The following TACR1 variants were observed in gnomAD, a reference collection of about 807,000 sequenced individuals.
TACR1 encodes substance-P receptor.
TACR1 carries 25 observed loss-of-function variants against 35.8 expected under a neutral mutation model. That is an observed-to-expected ratio of 0.70 (90% CI 0.51 to 0.98). The LOEUF is 0.98. TACR1 is among the 50% of genes least tolerant of loss of function. TACR1 has a pLI of 0.00. For synonymous variants in TACR1, 195 were observed against 206.7 expected, an observed-to-expected ratio of 0.94 and a Z score of 0.48; for missense variants, 478 against 522.9, an observed-to-expected ratio of 0.91 and a Z score of 0.84.
intron 1 of TACR1, among the ~76,000 whole-genome samples, chr2:75,132,431 G>T (rs190764923): frequency 2.6e-5 from 4 of 151,934 alleles, no homozygotes; most frequent in Non-Finnish European, 5.9e-5. Context: ...TGTTATTATT[G>T]TTCATTTTTA....
intron 1 of TACR1, among the ~76,000 whole-genome samples, chr2:75,153,130 T>G (rs1674711379): frequency 6.6e-6 from 1 of 152,210 alleles, no homozygotes; most frequent in African/African-American, 2.4e-5. Flanking sequence ...CTTGAACTCC[T>G]GACTTTGTGA....
intron 2 of TACR1, among the ~76,000 whole-genome samples, chr2:75,067,756 C>T (rs1202218549): frequency 6.6e-6 from 1 of 152,012 alleles, no homozygotes; most frequent in African/African-American, 2.4e-5. Context: ...GCCCTAAGGT[C>T]CAAATGTGCT....
intron 2 of TACR1, among the ~76,000 whole-genome samples, chr2:75,093,164 A>G (rs1673341478): frequency 6.6e-6 from 1 of 152,164 alleles, no homozygotes. Flanking sequence ...ATTACAATTT[A>G]CAACAGCCTA....
In TACR1 at chr2:75,048,015, C is replaced by T. The variant is rs1007607664; in HGVS notation, c.*1417G>A. On this transcript the variant is annotated 3_prime_UTR_variant, in exon 5 of 5. Coordinates refer to ENST00000305249, the MANE Select transcript of TACR1 (RefSeq NM_001058.4). ...AAACTGCATGCTCACCTTCTGGAAACTCTAAATCTAAATTAGGATATAAAG... is the reference window on the plus strand; with the variant it reads ...AAACTGCATGCTCACCTTCTGGAAATTCTAAATCTAAATTAGGATATAAAG... 5 of 152,214 alleles carry T rather than the reference C, an allele frequency of 3.3e-5. No homozygotes were observed. Among genetic ancestry groups the T allele is most frequent in the African/African-American group, 9.6e-5 (4 of 41,470 alleles). The allele number at this position is 152,214 out of a possible 1,614,324, so 9.4% of individuals were successfully genotyped here.
chr2:75,170,755 G>A (rs973515495), intron 1 of TACR1, among the ~76,000 whole-genome samples: 1 of 152,200 alleles, frequency 6.6e-6, no homozygotes, highest in East Asian at 1.9e-4. Context: ...GAGACTGGCA[G>A]CATTTTGCCC....
intron 2 of TACR1, among the ~76,000 whole-genome samples, chr2:75,119,780 T>C (rs1399326261): frequency 6.6e-6 from 1 of 152,178 alleles, no homozygotes; most frequent in Non-Finnish European, 1.5e-5. Context: ...AGCTGTAAAA[T>C]CCTGGGTGTA....
intron 2 of TACR1, among the ~76,000 whole-genome samples, chr2:75,088,096 A>C (rs1673224437): frequency 6.6e-6 from 1 of 152,154 alleles, no homozygotes; most frequent in African/African-American, 2.4e-5. Flanking sequence ...GCTGAAAACT[A>C]CAACCTATTT....
chr2:75,151,943 A>T lies in TACR1; in HGVS notation c.390-31175T>A, dbSNP rs528949380. 1.8e-3 allele frequency among the ~76,000 whole-genome samples: 269 copies of T among 152,208 alleles called. 1 individual carries two copies. Among genetic ancestry groups the T allele is most frequent in the African/African-American group, 6.1e-3 (255 of 41,544 alleles). ...AAAGGAGATCATTCTGGAACTTTAA[A>T]ATTTGACTGCCCATTGGATTTCAGA... On this transcript the variant is annotated intron_variant, in intron 1 of 4. Transcript: ENST00000305249.
At chr2:75,096,257 G>A (rs1234751558) in intron 2 of TACR1, among the ~76,000 whole-genome samples, 1 of 152,192 alleles carries the variant, frequency 6.6e-6, no homozygotes, top group Non-Finnish European at 1.5e-5. Flanking sequence ...GGGTTAACAA[G>A]TTTGAAAAGA....
At chr2:75,151,345 G>T (rs1273744267) in intron 1 of TACR1, among the ~76,000 whole-genome samples, 1 of 152,164 alleles carries the variant, frequency 6.6e-6, no homozygotes, top group Non-Finnish European at 1.5e-5. Context: ...TGTGGATCTG[G>T]CCCAGGGTCC....
intron 2 of TACR1, among the ~76,000 whole-genome samples, chr2:75,070,385 A>G (rs183232680): frequency 7.5e-4 from 114 of 152,294 alleles, no homozygotes; most frequent in Admixed American, 2.9e-3. Flanking sequence ...ATTGGAGAAT[A>G]AAAACCACCA....
At position 75,072,017 on chromosome 2, in the gene TACR1, G is replaced by T. The variant is rs1409306571; in HGVS notation, c.585-18262C>A. ...TAACTGCAGCAAGCGTAGCATAGAT[G>T]TTTGTTTGTGCTAAGGAGGGACTGG... On this transcript the variant is annotated intron_variant, in intron 2 of 4. Transcript: ENST00000305249. Among the ~76,000 whole-genome samples, 3 of 152,294 alleles carry T rather than the reference G, an allele frequency of 2.0e-5. No homozygotes were observed. The East Asian group carries it at 5.8e-4, about 29-fold the overall frequency.
chr2:75,086,682 G>A (rs769055368), intron 2 of TACR1, among the ~76,000 whole-genome samples: 2 of 152,138 alleles, frequency 1.3e-5, no homozygotes, highest in Non-Finnish European at 2.9e-5. Flanking sequence ...ATGGATATGA[G>A]AGACACTTCA....
chr2:75,053,079 A>T (rs1156544480), intron 3 of TACR1, among the ~76,000 whole-genome samples: 1 of 152,046 alleles, frequency 6.6e-6, no homozygotes, highest in Non-Finnish European at 1.5e-5. Flanking sequence ...GATTTATGAA[A>T]TTTCATCACA....
At chr2:75,078,806 T>G (rs1281902751) in intron 2 of TACR1, among the ~76,000 whole-genome samples, 1 of 152,230 alleles carries the variant, frequency 6.6e-6, no homozygotes, top group African/African-American at 2.4e-5. Context: ...TCATTCTGTA[T>G]GCAAAATGCT....
At chr2:75,169,725 T>A (rs1558579199) in intron 1 of TACR1, among the ~76,000 whole-genome samples, 1 of 152,228 alleles carries the variant, frequency 6.6e-6, no homozygotes, top group Non-Finnish European at 1.5e-5. Context: ...TAGATTCTGC[T>A]CAGGAAAGTT....
At chr2:75,051,116 T>G in intron 4 of TACR1, 135 bp downstream of exon 4, 1 of 1,105,008 alleles carries the variant, frequency 9.0e-7, no homozygotes, top group South Asian at 1.4e-5. Flanking sequence ...AGTTGTGTGA[T>G]GATAAGTTAG....
chr2:75,196,593 A>AAAC (rs1396505376), intron 1 of TACR1, among the ~76,000 whole-genome samples: 5 of 152,116 alleles, frequency 3.3e-5, no homozygotes, highest in African/African-American at 1.2e-4. Context: ...ACCTAGAGAA[A>AAAC]AACAACAACG....
intron 2 of TACR1, among the ~76,000 whole-genome samples, chr2:75,110,998 A>G (rs531096178): frequency 6.6e-6 from 1 of 152,128 alleles, no homozygotes; most frequent in Non-Finnish European, 1.5e-5. Flanking sequence ...AAAATTGTAT[A>G]CATTATTTGG....
Sources: allele counts gnomAD v4.1 joint callset (sites outside exome capture counted in the v4.1 genomes callset), GRCh38; gene constraint gnomAD v4.1.1; transcripts MANE v1.5; gene names NCBI Gene and HGNC (gene_info 2026-07-23, HGNC 2026-07-21).